CPLX1: variants seen among roughly 807,000 people sequenced by gnomAD.
The protein encoded by CPLX1 is complexin-1.
A neutral mutation model predicts 15.6 loss-of-function variants in CPLX1; 6 were observed. The observed-to-expected ratio is 0.39, with a 90% CI of 0.21 to 0.76. The LOEUF (loss-of-function observed/expected upper bound fraction) is 0.76, where lower values mean the gene tolerates loss of function less well. Among genes scored for constraint, CPLX1 ranks in the 30% least tolerant of loss-of-function variants. The pLI is 0.43. For missense variants in CPLX1, 242 were observed against 188.6 expected, an observed-to-expected ratio of 1.28 and a Z score of -1.66; for synonymous variants, 91 against 75.2, an observed-to-expected ratio of 1.21 and a Z score of -1.08.
chr4:788,692 C>T (rs1746075980), intron 3 of CPLX1, among the ~76,000 whole-genome samples: 2 of 152,108 alleles, frequency 1.3e-5, no homozygotes, highest in South Asian at 2.1e-4. Context: ...GGAGCATGTG[C>T]TCTTCGTCCT....
intron 3 of CPLX1, chr4:787,183 G>A: frequency 3.0e-6 from 3 of 985,298 alleles, no homozygotes; most frequent in South Asian, 9.4e-5. Flanking sequence ...ATGCGGCCGC[G>A]GCCCCAGCAG....
At chr4:809,418 T>C (rs1345472512) in intron 2 of CPLX1, among the ~76,000 whole-genome samples, 1 of 151,258 alleles carries the variant, frequency 6.6e-6, no homozygotes, top group Non-Finnish European at 1.5e-5. Context: ...CTGTGGCTGC[T>C]GAGCCTCTGC....
chr4:823,268 T>C (rs1046757671), intron 2 of CPLX1, among the ~76,000 whole-genome samples: 18 of 152,150 alleles, frequency 1.2e-4, no homozygotes, highest in Non-Finnish European at 2.1e-4. Context: ...ACTCTTACCC[T>C]TGACCACGAA....
Position 786,499 on chromosome 4 carries a change from G to A in CPLX1, c.*2C>T, listed in dbSNP as rs1348352756. On this transcript the variant is annotated 3_prime_UTR_variant, in exon 4 of 4. Transcript: ENST00000304062. Reference sequence around the variant, plus strand: ...TCCGCGGGGCCGCTGTCCCGCGCGCGGCTACTTCTTGAGCATGTCCTGCAG... The same window carrying A: ...TCCGCGGGGCCGCTGTCCCGCGCGCAGCTACTTCTTGAGCATGTCCTGCAG... 1.3e-6 allele frequency: 2 copies of A among 1,572,034 alleles called. No individual in the cohort carries two copies. Among genetic ancestry groups the A allele is most frequent in the Admixed American group, 1.8e-5 (1 of 54,946 alleles).
rs186926215 is a variant in CPLX1 at position 800,825 on chromosome 4, A to G, written c.32-8217T>C. Among the ~76,000 whole-genome samples, 718 of 146,968 alleles carry G rather than the reference A, an allele frequency of 4.9e-3. 23 individuals are homozygous for G. Among genetic ancestry groups the G allele is most frequent in the Admixed American group, 0.045 (652 of 14,578 alleles). Reference sequence around the variant, plus strand: ...CACACACGTATGTATATATAAATATATGTGTGTGTGTGTGTATATATATGT... The same window carrying G: ...CACACACGTATGTATATATAAATATGTGTGTGTGTGTGTGTATATATATGT... On this transcript the variant is annotated intron_variant, in intron 2 of 3. Transcript: ENST00000304062.
At chr4:821,310 C>G (rs866244375) in intron 2 of CPLX1, among the ~76,000 whole-genome samples, 1 of 152,126 alleles carries the variant, frequency 6.6e-6, no homozygotes, top group Non-Finnish European at 1.5e-5. Flanking sequence ...TGGGCTCTGT[C>G]GCTGGGGCAG....
At chr4:797,068 G>T (rs1218087310) in intron 2 of CPLX1, among the ~76,000 whole-genome samples, 1 of 152,146 alleles carries the variant, frequency 6.6e-6, no homozygotes. Context: ...GAATAAAACT[G>T]GACCCCTGCA....
In CPLX1 at chr4:786,384, T is replaced by G; in HGVS notation, c.*117A>C. 9 of 1,189,804 alleles carry G rather than the reference T, an allele frequency of 7.6e-6. No homozygotes were observed. The highest frequency in any genetic ancestry group is 1.0e-5 in the Non-Finnish European group (9 of 895,100). 73.7% of individuals were successfully genotyped at this position (1,189,804 alleles called of 1,614,324 possible). A position where few individuals can be genotyped will look rare whatever the true frequency, so the allele number is the denominator to read the frequency against. The stretch of plus-strand genomic sequence containing the variant: ...GCGGCGGGCGCGGGCAGGGCGGGCC[T>G]GGGGCTATGGCTTATATCGGCGTGG... On this transcript the variant is annotated 3_prime_UTR_variant, in exon 4 of 4. Transcript: ENST00000304062.
intron 3 of CPLX1, among the ~76,000 whole-genome samples, chr4:790,715 C>G (rs13105702): frequency 0.4 from 60,804 of 151,916 alleles, 13,123 homozygotes; most frequent in African/African-American, 0.56. Context: ...CACGGACCCA[C>G]ACATAGCCCT....
At chr4:787,245 C>T (rs901627787) in intron 3 of CPLX1, 27 of 985,262 alleles carry the variant, frequency 2.7e-5, no homozygotes, top group Non-Finnish European at 3.1e-5. Context: ...GCAGAGGGTC[C>T]TGGGCTGCGG....
chr4:794,881 G>C (rs1459716468), intron 2 of CPLX1, among the ~76,000 whole-genome samples: 1 of 152,206 alleles, frequency 6.6e-6, no homozygotes, highest in African/African-American at 2.4e-5. Flanking sequence ...TCTGGGTCTG[G>C]TCGCGGGAGC....
chr4:791,864 G>A (rs758642256), intron 3 of CPLX1, among the ~76,000 whole-genome samples: 4 of 152,300 alleles, frequency 2.6e-5, no homozygotes, highest in South Asian at 2.1e-4. Context: ...GTGCCCACCC[G>A]GCTTCCAGCC....
chr4:817,960 C>A (rs2152648142), intron 2 of CPLX1, among the ~76,000 whole-genome samples: 1 of 152,350 alleles, frequency 6.6e-6, no homozygotes, highest in Non-Finnish European at 1.5e-5. Context: ...TGACAGGGGA[C>A]ACTGGAGGCG....
intron 3 of CPLX1, among the ~76,000 whole-genome samples, chr4:788,860 A>G (rs1746081774): frequency 1.3e-5 from 2 of 152,134 alleles, no homozygotes; most frequent in Non-Finnish European, 2.9e-5. Context: ...GCACTCAGGA[A>G]CATGTGTGTG....
intron 3 of CPLX1, among the ~76,000 whole-genome samples, chr4:791,417 T>G (rs1309616989): frequency 1.3e-5 from 2 of 152,122 alleles, no homozygotes; most frequent in African/African-American, 4.8e-5. Flanking sequence ...GCTGGCCTTT[T>G]GGGTACAGCG....
chr4:786,786 C>T (rs2152640878), intron 3 of CPLX1, 88 bp from the exon 4 acceptor site: 1 of 1,480,640 alleles, frequency 6.8e-7, no homozygotes, highest in Non-Finnish European at 8.9e-7. Flanking sequence ...GCCCAGGAAC[C>T]CCCGAAGGCG....
intron 2 of CPLX1, among the ~76,000 whole-genome samples, chr4:796,954 A>C (rs981326988): frequency 1.3e-5 from 2 of 152,178 alleles, no homozygotes; most frequent in East Asian, 1.9e-4. Context: ...CCAGACCCCC[A>C]CAGACACAGG....
At chr4:817,041 C>T (rs960982079) in intron 2 of CPLX1, among the ~76,000 whole-genome samples, 1 of 152,020 alleles carries the variant, frequency 6.6e-6, no homozygotes, top group African/African-American at 2.4e-5. Flanking sequence ...ATAAATGAAA[C>T]AGCAAGAAAG....
At chr4:817,292 G>A (rs962519923) in intron 2 of CPLX1, among the ~76,000 whole-genome samples, 7 of 149,840 alleles carry the variant, frequency 4.7e-5, no homozygotes, top group Admixed American at 4.0e-4. Context: ...AGTGGCTCAC[G>A]CCTGTAATCC....
Sources: gnomAD v4.1 joint callset for allele counts (sites outside exome capture counted in the v4.1 genomes callset) on GRCh38, gnomAD v4.1.1 for gene constraint, MANE v1.5 for transcripts, NCBI Gene and HGNC (gene_info 2026-07-23, HGNC 2026-07-21) for gene names.